The following CDH13 variants were observed in gnomAD, a reference collection of about 807,000 sequenced individuals.
The protein encoded by CDH13 is cadherin 13.
A neutral mutation model predicts 63.8 loss-of-function variants in CDH13; 24 were observed. That is an observed-to-expected ratio of 0.38 (90% CI 0.27 to 0.53). The LOEUF is 0.53. CDH13 is among the 20% of genes least tolerant of loss of function. The probability of loss-of-function intolerance (pLI) is 0.85; values close to 1 mark genes in which losing one functional copy is unlikely to be tolerated. For missense variants in CDH13, 1,049 were observed against 903.1 expected (o/e 1.16, Z -2.07); for synonymous variants, 503 against 355.3 (o/e 1.42, Z -4.67).
chr16:83,501,197 A>G (rs1265295908), intron 7 of CDH13, among the ~76,000 whole-genome samples: 1 of 152,262 alleles, frequency 6.6e-6, no homozygotes, highest in Non-Finnish European at 1.5e-5. Context: ...ATATGTTTCT[A>G]AGACAGCCAT....
chr16:83,071,401 G>A (rs1020276737), intron 3 of CDH13, among the ~76,000 whole-genome samples: 1 of 152,174 alleles, frequency 6.6e-6, no homozygotes, highest in Non-Finnish European at 1.5e-5. Flanking sequence ...TTCCTATTAA[G>A]AGCCCAGTTG....
At chr16:82,832,814 G>GGT (rs2038605524) in intron 1 of CDH13, among the ~76,000 whole-genome samples, 1 of 152,108 alleles carries the variant, frequency 6.6e-6, no homozygotes, top group Non-Finnish European at 1.5e-5. Context: ...GCATCTACTG[G>GGT]GTGACAATCG....
intron 8 of CDH13, among the ~76,000 whole-genome samples, chr16:83,615,619 G>C (rs891899382): frequency 6.6e-6 from 1 of 151,964 alleles, no homozygotes; most frequent in African/African-American, 2.4e-5. Context: ...CTCATATTTT[G>C]TACAGAATGG....
At chr16:82,753,318 T>A (rs1053204641) in intron 1 of CDH13, among the ~76,000 whole-genome samples, 3 of 152,218 alleles carry the variant, frequency 2.0e-5, no homozygotes, top group East Asian at 1.9e-4. Flanking sequence ...AAAAACAATA[T>A]GCATATCTGT....
chr16:82,657,947 C>T (rs531949706), intron 1 of CDH13, among the ~76,000 whole-genome samples: 1 of 152,240 alleles, frequency 6.6e-6, no homozygotes, highest in Admixed American at 6.5e-5. Flanking sequence ...ACTTCCAGGA[C>T]GATGTTGAAA....
chr16:83,177,518 GTGA>G (rs1342048562), intron 4 of CDH13, among the ~76,000 whole-genome samples: 1 of 152,200 alleles, frequency 6.6e-6, no homozygotes, highest in African/African-American at 2.4e-5. Context: ...GTTGGAGATT[GTGA>G]TGATAATAGT....
At chr16:83,400,609 A>G (rs2091953845) in intron 6 of CDH13, among the ~76,000 whole-genome samples, 1 of 152,182 alleles carries the variant, frequency 6.6e-6, no homozygotes, top group Admixed American at 6.5e-5. Context: ...CTTTTGCACC[A>G]ACCTAATACA....
intron 7 of CDH13, among the ~76,000 whole-genome samples, chr16:83,560,612 CA>C (rs2075685912): frequency 6.6e-6 from 1 of 152,188 alleles, no homozygotes; most frequent in Non-Finnish European, 1.5e-5. Context: ...TTTCACTTAA[CA>C]TTGTTTCTCT....
intron 2 of CDH13, among the ~76,000 whole-genome samples, chr16:82,943,423 C>G (rs1862677): frequency 0.29 from 44,715 of 151,958 alleles, 7,698 homozygotes; most frequent in African/African-American, 0.48. Context: ...CTTATATAAA[C>G]CTAAGCATCC....
At chr16:83,392,088 G>T (rs535528149) in intron 6 of CDH13, among the ~76,000 whole-genome samples, 1 of 151,922 alleles carries the variant, frequency 6.6e-6, no homozygotes, top group Non-Finnish European at 1.5e-5. Context: ...CTCAAAAATC[G>T]CCCCCTCGCA....
chr16:82,787,201 G>C (rs902746399), intron 1 of CDH13, among the ~76,000 whole-genome samples: 1 of 152,176 alleles, frequency 6.6e-6, no homozygotes, highest in African/African-American at 2.4e-5. Flanking sequence ...ATTCTCCTGA[G>C]AACAGATGCT....
intron 4 of CDH13, among the ~76,000 whole-genome samples, chr16:83,192,101 T>C (rs563059007): frequency 2.0e-5 from 3 of 152,334 alleles, no homozygotes; most frequent in African/African-American, 7.2e-5. Flanking sequence ...TTATACCACC[T>C]GGCACAGTTC....
chr16:83,259,818 T>C (rs17756443), intron 5 of CDH13, among the ~76,000 whole-genome samples: 27,592 of 151,980 alleles, frequency 0.18, 2,672 homozygotes, highest in East Asian at 0.25. Flanking sequence ...TTACCTACCT[T>C]TCATGTTTCC....
intron 12 of CDH13, among the ~76,000 whole-genome samples, chr16:83,781,378 C>T (rs1915511011): frequency 6.6e-6 from 1 of 152,216 alleles, no homozygotes. Flanking sequence ...ACTTATCCTG[C>T]TGTTGACCCC....
chr16:82,880,008 TATATTAATAGATC>T (rs2151202312), intron 2 of CDH13, among the ~76,000 whole-genome samples: 1 of 147,632 alleles, frequency 6.8e-6, no homozygotes, highest in East Asian at 2.0e-4. Flanking sequence ...TATAATAGAT[TATATTAATAGATC>T]ATATATAATC....
chr16:83,111,315 C>T (rs2035046919), intron 3 of CDH13, among the ~76,000 whole-genome samples: 2 of 152,084 alleles, frequency 1.3e-5, no homozygotes, highest in South Asian at 4.1e-4. Flanking sequence ...AAGAATGTCC[C>T]ATGTGCAGTG....
At chr16:82,849,133 C>T (rs746295498) in intron 1 of CDH13, among the ~76,000 whole-genome samples, 2 of 152,162 alleles carry the variant, frequency 1.3e-5, no homozygotes, top group Non-Finnish European at 2.9e-5. Context: ...GGTGAAGAAG[C>T]TGCAGGAGAA....
At chr16:83,646,109 C>A (rs1338206102) in intron 8 of CDH13, among the ~76,000 whole-genome samples, 1 of 152,088 alleles carries the variant, frequency 6.6e-6, no homozygotes, top group Non-Finnish European at 1.5e-5. Flanking sequence ...TAGTGTGGGA[C>A]CATACGTGAA....
At chr16:83,632,899 C>A (rs1461363800) in intron 8 of CDH13, among the ~76,000 whole-genome samples, 1 of 151,526 alleles carries the variant, frequency 6.6e-6, no homozygotes, top group Non-Finnish European at 1.5e-5. Context: ...AAGGGGTGGG[C>A]AGTTCCCAGA....
Sources: gnomAD v4.1 joint callset for allele counts (sites outside exome capture counted in the v4.1 genomes callset) on GRCh38, gnomAD v4.1.1 for gene constraint, MANE v1.5 for transcripts, NCBI Gene and HGNC (gene_info 2026-07-23, HGNC 2026-07-21) for gene names.